The following PFKM variants were observed in gnomAD, a reference collection of about 807,000 sequenced individuals.
PFKM encodes the protein ATP-dependent 6-phosphofructokinase, muscle type.
A neutral mutation model predicts 95.5 loss-of-function variants in PFKM; 58 were observed. The observed-to-expected ratio is 0.61, with a 90% CI of 0.49 to 0.76. The LOEUF (loss-of-function observed/expected upper bound fraction) is 0.76. PFKM is among the 30% of genes least tolerant of loss of function. PFKM has a pLI of 0.00. For synonymous variants in PFKM, 336 were observed against 357.2 expected, an observed-to-expected ratio of 0.94 and a Z score of 0.67; for missense variants, 678 against 1,005.4, an observed-to-expected ratio of 0.67 and a Z score of 4.40.
chr12:48,112,763 TG>T (rs564862577), intron 3 of PFKM, among the ~76,000 whole-genome samples: 11 of 152,280 alleles, frequency 7.2e-5, no homozygotes, highest in Middle Eastern at 3.4e-3. Flanking sequence ...GTCTGGTTTT[TG>T]GATAGGTAAA....
chr12:48,139,898 C>G lies in PFKM; in HGVS notation c.1177C>G (p.Pro393Ala), dbSNP rs552947769. ...GTACAAGCTTCTAGCTCATGTCAGA[C>G]CCCCGGTATCTAAGGTACTGGCAAG... ...EVYKLLAHVR[P>A]PVSKSGSHTV... Residue 393 changes from proline to alanine, a missense_variant, in exon 13 of 23, where the codon CCC becomes GCC. Coordinates refer to ENST00000359794, the MANE Select transcript of PFKM (RefSeq NM_000289.6). 2 of 1,609,838 alleles carry G rather than the reference C, an allele frequency of 1.2e-6. No homozygotes were observed. Among genetic ancestry groups the G allele is most frequent in the Admixed American group, 3.3e-5 (2 of 59,996 alleles).
intron 1 of PFKM, among the ~76,000 whole-genome samples, chr12:48,121,971 C>A (rs11168418): frequency 0.18 from 27,548 of 151,936 alleles, 2,695 homozygotes; most frequent in East Asian, 0.24. Flanking sequence ...AGAGGTGATC[C>A]CTAAAGAATA....
upstream of PFKM, among the ~76,000 whole-genome samples, chr12:48,115,420 T>C (rs1947586732): frequency 6.6e-6 from 1 of 152,062 alleles, no homozygotes; most frequent in African/African-American, 2.4e-5. Context: ...AAGAGCAATG[T>C]TTTGAGGGAA....
chr12:48,145,793 G>GC lies in PFKM; in HGVS notation c.*85_*86insC. Reference sequence around the variant, plus strand: ...TCCACATCTTCTCAGTGTTTTAGCTGTTTTTTTCATTAGGTTTCCTTTTAT... The same window carrying GC: ...TCCACATCTTCTCAGTGTTTTAGCTGCTTTTTTTCATTAGGTTTCCTTTTAT... On this transcript the variant is annotated 3_prime_UTR_variant, in exon 23 of 23. Coordinates refer to ENST00000359794, the MANE Select transcript of PFKM (RefSeq NM_000289.6). The surrounding 1 kb of genome is among the most constrained non-coding windows in gnomAD (Gnocchi z 4.3). 1 of 1,455,658 alleles carries GC rather than the reference G, an allele frequency of 6.9e-7. No individual in the cohort carries two copies. Among genetic ancestry groups the GC allele is most frequent in the Non-Finnish European group, 9.6e-7 (1 of 1,038,092 alleles). The allele number at this position is 1,455,658 out of a possible 1,614,324, so 90.2% of individuals were successfully genotyped here. A position where few individuals can be genotyped will look rare whatever the true frequency, so the allele number is the denominator to read the frequency against.
In PFKM at chr12:48,132,937, T is replaced by C; in HGVS notation, c.307T>C (p.Tyr103His). The C allele has an allele frequency of 6.2e-7, 1 of 1,614,152 alleles. No homozygotes were observed. Among genetic ancestry groups the C allele is most frequent in the Non-Finnish European group, 8.5e-7 (1 of 1,179,994 alleles). ...ACGAGAAGGACGACTCCGAGCTGCC[T>C]ACAACCTGGTGAAGCGTGGGATCAC... is the stretch of plus-strand genomic sequence containing the variant. ...REREGRLRAA[Y>H]NLVKRGITNL... Residue 103 changes from tyrosine (Y) to histidine (H), a missense_variant, in exon 5 of 23, where the codon TAC (tyrosine) becomes CAC (histidine). Physicochemically the swap from Tyr to His is moderately conservative, Grantham distance 83 (BLOSUM62 2). Transcript: ENST00000359794.
chr12:48,140,018 T>C, intron 13 of PFKM, 106 bp downstream of exon 13: 2 of 751,818 alleles, frequency 2.7e-6, no homozygotes, highest in Non-Finnish European at 4.8e-6. Flanking sequence ...CCAACTTCTC[T>C]GCCCCACTCT....
chr12:48,115,579 T>C (rs1947597212), upstream of PFKM, among the ~76,000 whole-genome samples: 1 of 152,190 alleles, frequency 6.6e-6, no homozygotes, highest in Non-Finnish European at 1.5e-5. Flanking sequence ...TAAGGCTATT[T>C]TCACTTTTGT....
chr12:48,131,011 T>G lies in PFKM; in HGVS notation c.160-305T>G, dbSNP rs59896935. Among the ~76,000 whole-genome samples, 3,046 of 152,254 alleles carry G rather than the reference T, an allele frequency of 0.02. 113 individuals carry two copies. The highest frequency in any genetic ancestry group is 0.067 in the African/African-American group (2,781 of 41,558). On this transcript the variant is annotated intron_variant, in intron 3 of 22. Transcript: ENST00000359794. ...TGGTTATCAAGACCATCTGTTATCA[T>G]TGGCCCCCTAGGAAGCAGGTTGGAG...
At chr12:48,137,436 A>G in intron 10 of PFKM, 1 of 478,510 alleles carries the variant, frequency 2.1e-6, no homozygotes, top group Non-Finnish European at 3.8e-6. Flanking sequence ...TGTCAATAAG[A>G]AGGGAATATT....
chr12:48,134,350 T>G, intron 7 of PFKM, 74 bp downstream of exon 7: 2 of 1,271,010 alleles, frequency 1.6e-6, no homozygotes, highest in Non-Finnish European at 2.3e-6. Context: ...GAGAGTCCAG[T>G]GAGGTCTCTC....
Position 48,132,919 on chromosome 12 carries a change from G to C in PFKM, c.289G>C (p.Gly97Arg). Residue 97 changes from glycine (G) to arginine (R), a missense_variant, in exon 5 of 23, where the codon GGA becomes CGA. Gly to Arg is a moderately radical substitution (Grantham distance 125, BLOSUM62 -2). Transcript: ENST00000359794. ...ARCKDFRERE[G>R]RLRAAYNLVK... ...GTGCAAGGACTTTCGGGAACGAGAA[G>C]GACGACTCCGAGCTGCCTACAACCT... The C allele has an allele frequency of 6.2e-7, 1 of 1,614,190 alleles. No individual in the cohort carries two copies. The highest frequency in any genetic ancestry group is 8.5e-7 in the Non-Finnish European group (1 of 1,180,042).
chr12:48,119,248 C>T, upstream of PFKM: 3 of 984,126 alleles, frequency 3.0e-6, no homozygotes, highest in Non-Finnish European at 3.6e-6. Flanking sequence ...GCGGAGCCTT[C>T]TTGTCAGCAT....
At chr12:48,116,066 C>T (rs1469783121), upstream of PFKM, among the ~76,000 whole-genome samples, 1 of 152,102 alleles carries the variant, frequency 6.6e-6, no homozygotes, top group Non-Finnish European at 1.5e-5. Context: ...CAGAAGGGTT[C>T]CAATTTGTTC....
Position 48,140,874 on chromosome 12 carries a change from A to G in PFKM, c.1341+3A>G, listed in dbSNP as rs1403903201. The G allele has an allele frequency of 6.2e-7, 1 of 1,613,924 alleles. No individual in the cohort carries two copies. Among genetic ancestry groups the G allele is most frequent in the African/African-American group, 1.3e-5 (1 of 74,934 alleles). ...TCGAGGGCCTGGCCAAGGGGCAGGT[A>G]TGGGGACTATTCTGGGACCTAGGAG... On this transcript the variant is annotated splice_donor_region_variant and intron_variant, in intron 14 of 22. Coordinates refer to ENST00000359794, the MANE Select transcript of PFKM (RefSeq NM_000289.6).
At position 48,140,723 on chromosome 12, in the gene PFKM, G is replaced by A. The variant is rs1355737289; in HGVS notation, c.1193G>A (p.Ser398Asn). The part of the protein sequence containing the change: ...LAHVRPPVSK[S>N]GSHTVAVMNV... Reference sequence around the variant, plus strand: ...TTTTCCCTGCTTCCTCCTGTATAGAGTGGTTCGCACACAGTGGCTGTGATG... The same window carrying A: ...TTTTCCCTGCTTCCTCCTGTATAGAATGGTTCGCACACAGTGGCTGTGATG... The change falls in exon 14 of 23, where the codon AGT becomes AAT. Residue 398 changes from serine to asparagine, a missense_variant and splice_region_variant. Coordinates refer to ENST00000359794, the MANE Select transcript of PFKM (RefSeq NM_000289.6). The A allele has an allele frequency of 1.2e-6, 2 of 1,614,016 alleles. No homozygotes were observed. The highest frequency in any genetic ancestry group is 3.3e-5 in the Admixed American group (2 of 59,994).
Position 48,123,403 on chromosome 12 carries a change from G to A in PFKM, c.85+544G>A, listed in dbSNP as rs144610551. Among the ~76,000 whole-genome samples, 413 of 152,154 alleles carry A rather than the reference G, an allele frequency of 2.7e-3. 1 individual carries two copies. The highest frequency in any genetic ancestry group is 9.5e-3 in the African/African-American group (395 of 41,496). On this transcript the variant is annotated intron_variant, in intron 2 of 22. Transcript: ENST00000359794. ...AGCAGCAGTTAATCAATACAGATCC[G>A]GTATGAGGTGGAGGGGCAGAAAACA...
Position 48,139,280 on chromosome 12 carries a change from C to A in PFKM, c.1063-5C>A, listed in dbSNP as rs758178966. ...GTTGAAACTGTCGCTGTGCTCCCCC[C>A]TCAGACCAAAGATGTGACCAAGGCC... On this transcript the variant is annotated splice_polypyrimidine_tract_variant and splice_region_variant and intron_variant, in intron 11 of 22. Transcript: ENST00000359794. 1 of 1,612,906 alleles carries A rather than the reference C, an allele frequency of 6.2e-7. No homozygotes were observed. Among genetic ancestry groups the A allele is most frequent in the Non-Finnish European group, 8.5e-7 (1 of 1,179,124 alleles).
chr12:48,135,067 T>C (rs1246425714), intron 9 of PFKM, 29 bp downstream of exon 9: 1 of 1,503,456 alleles, frequency 6.7e-7, no homozygotes, highest in Non-Finnish European at 9.3e-7. Flanking sequence ...AGAGAGGCCT[T>C]AGAATCCATA....
chr12:48,119,423 A>G lies in PFKM; in HGVS notation c.-9+17A>G, dbSNP rs1206186837. 4 of 985,758 alleles carry G rather than the reference A, an allele frequency of 4.1e-6. No homozygotes were observed. The East Asian group carries it at 4.5e-4, about 112-fold the overall frequency. The allele number at this position is 985,758 out of a possible 1,614,324, so 61.1% of individuals were successfully genotyped here. A position where few individuals can be genotyped will look rare whatever the true frequency, so the allele number is the denominator to read the frequency against. On this transcript the variant is annotated intron_variant, in intron 1 of 22. Transcript: ENST00000359794. ...GACTAAAAGGCAAGAGGGGCCATTG[A>G]GTGAAGAGCAAGGGGGAGAGCTGGG... is the stretch of plus-strand genomic sequence containing the variant.
Sources: gnomAD v4.1 joint callset for allele counts (sites outside exome capture counted in the v4.1 genomes callset) on GRCh38, gnomAD v4.1.1 for gene constraint, Gnocchi (gnomAD v3.1) non-coding constraint, MANE v1.5 for transcripts, NCBI Gene and HGNC (gene_info 2026-07-23, HGNC 2026-07-21) for gene names.